The following TMBIM4 variants were observed in gnomAD, a reference collection of about 807,000 sequenced individuals.
The protein encoded by TMBIM4 is transmembrane BAX inhibitor motif containing 4.
In TMBIM4, 28 loss-of-function variants were observed where a neutral mutation model predicts 27.7. The observed-to-expected ratio is 1.01, with a 90% CI of 0.75 to 1.38. TMBIM4 has a LOEUF of 1.38. Ranked by LOEUF, TMBIM4 falls within the 40% of genes most tolerant of loss-of-function variation. TMBIM4 has a pLI of 0.00. For synonymous variants in TMBIM4, 115 were observed against 113.1 expected (o/e 1.02, Z -0.11); for missense variants, 265 against 277.5 (o/e 0.95, Z 0.32).
intron 1 of TMBIM4, among the ~76,000 whole-genome samples, chr12:66,166,484 A>T (rs2136888889): frequency 7.0e-6 from 1 of 142,858 alleles, no homozygotes; most frequent in East Asian, 2.1e-4. Context: ...AAAAAAAAAA[A>T]GAAAAAGAAA....
intron 4 of TMBIM4, 140 bp from the exon 5 acceptor site, chr12:66,146,098 C>A: frequency 1.9e-6 from 1 of 537,238 alleles, no homozygotes; most frequent in Non-Finnish European, 3.3e-6. Context: ...TCTTATCCAT[C>A]CTTGACTACA....
intron 5 of TMBIM4, among the ~76,000 whole-genome samples, chr12:66,140,584 T>C (rs2051652744): frequency 6.6e-6 from 1 of 152,038 alleles, no homozygotes; most frequent in African/African-American, 2.4e-5. Context: ...CAGATAAATG[T>C]TTGAAGAAAT....
chr12:66,141,055 A>G (rs1342336982), intron 5 of TMBIM4, among the ~76,000 whole-genome samples: 1 of 152,162 alleles, frequency 6.6e-6, no homozygotes, highest in Non-Finnish European at 1.5e-5. Context: ...TTTCAAAAAT[A>G]AAGACAAAGG....
At chr12:66,140,546 T>C (rs2051652044) in intron 5 of TMBIM4, among the ~76,000 whole-genome samples, 1 of 151,352 alleles carries the variant, frequency 6.6e-6, no homozygotes, top group Non-Finnish European at 1.5e-5. Flanking sequence ...GTAACTGGAG[T>C]CTCAAGCAAA....
At chr12:66,160,837 G>T (rs997867083) in intron 1 of TMBIM4, among the ~76,000 whole-genome samples, 1 of 147,410 alleles carries the variant, frequency 6.8e-6, no homozygotes, top group African/African-American at 2.5e-5. Context: ...CACACAGGGC[G>T]GCAGCTTGGC....
At position 66,136,178 on chromosome 12, in the gene TMBIM4, C is replaced by T. The variant is rs1398522600; in HGVS notation, c.*1782G>A. The T allele has an allele frequency of 1.3e-5, 2 of 148,938 alleles. No individual in the cohort carries two copies. The highest frequency in any genetic ancestry group is 3.0e-5 in the Non-Finnish European group (2 of 67,348). The allele number at this position is 148,938 out of a possible 1,614,324, so 9.2% of individuals were successfully genotyped here. ...TATCTATCTCATTTAATCCTTATAA[C>T]AGCCCAATAAGCTAGACATCATTAT... On this transcript the variant is annotated 3_prime_UTR_variant, in exon 7 of 7. Coordinates refer to ENST00000358230, the MANE Select transcript of TMBIM4 (RefSeq NM_016056.4).
rs1217998670 is a variant in TMBIM4 at position 66,152,265 on chromosome 12, A to T, written c.312+6T>A. The T allele has an allele frequency of 6.5e-7, 1 of 1,539,462 alleles. No homozygotes were observed. Among genetic ancestry groups the T allele is most frequent in the Non-Finnish European group, 8.9e-7 (1 of 1,126,190 alleles). ...TTAAGGGAATAGAGAAAGTCAGAGT[A>T]CTCACAAATCCAAAAAGTAGGTACA... is the stretch of plus-strand genomic sequence containing the variant. On this transcript the variant is annotated splice_donor_region_variant and intron_variant, in intron 3 of 6. Coordinates refer to ENST00000358230, the MANE Select transcript of TMBIM4 (RefSeq NM_016056.4).
chr12:66,158,002 A>C (rs11176064), intron 1 of TMBIM4, among the ~76,000 whole-genome samples: 188 of 152,114 alleles, frequency 1.2e-3, no homozygotes, highest in African/African-American at 4.4e-3. Context: ...CAAGGTGGGC[A>C]CATCACGAGG....
chr12:66,142,193 T>C (rs1327793785), intron 5 of TMBIM4, among the ~76,000 whole-genome samples: 1 of 152,034 alleles, frequency 6.6e-6, no homozygotes, highest in African/African-American at 2.4e-5. Flanking sequence ...AGTCCTCAGC[T>C]GTCTCTCTGA....
intron 2 of TMBIM4, among the ~76,000 whole-genome samples, chr12:66,153,050 T>G (rs2051874870): frequency 6.6e-6 from 1 of 152,088 alleles, no homozygotes; most frequent in South Asian, 2.1e-4. Context: ...TATAGTCTAA[T>G]AAAGTTTTTA....
chr12:66,169,806 G>C, intron 1 of TMBIM4, 49 bp downstream of exon 1: 1 of 1,403,264 alleles, frequency 7.1e-7, no homozygotes, highest in East Asian at 3.0e-5. Flanking sequence ...TCTAGAGGCC[G>C]AGCAGTGCAG....
intron 1 of TMBIM4, among the ~76,000 whole-genome samples, chr12:66,156,987 G>A (rs1223857418): frequency 1.3e-5 from 2 of 152,090 alleles, no homozygotes; most frequent in Non-Finnish European, 2.9e-5. Context: ...CTGGGACAGT[G>A]TTTCTCAACC....
Position 66,137,910 on chromosome 12 carries a change from TC to T in TMBIM4, c.*49del. The T allele has an allele frequency of 6.6e-7, 1 of 1,520,058 alleles. No individual in the cohort carries two copies. Among genetic ancestry groups the T allele is most frequent in the Non-Finnish European group, 9.1e-7 (1 of 1,101,742 alleles). The allele number at this position is 1,520,058 out of a possible 1,614,324, so 94.2% of individuals were successfully genotyped here. ...GCTTCCAATTACTTTAATCCTTTTT[TC>T]TCATTAAATTTTTTTTGTTGTTCTT... On this transcript the variant is annotated 3_prime_UTR_variant, in exon 7 of 7. Transcript: ENST00000358230.
intron 5 of TMBIM4, among the ~76,000 whole-genome samples, chr12:66,140,522 AG>A (rs1232713922): frequency 6.6e-6 from 1 of 152,210 alleles, no homozygotes; most frequent in African/African-American, 2.4e-5. Flanking sequence ...AACATCTAGA[AG>A]TCTCACACAG....
At chr12:66,169,386 T>A (rs1238335051) in intron 1 of TMBIM4, 4 of 626,324 alleles carry the variant, frequency 6.4e-6, no homozygotes, top group Admixed American at 2.8e-5. Context: ...TCAGGGAGCT[T>A]CCAGCCTAGC....
chr12:66,146,876 TA>T (rs1405239004), intron 4 of TMBIM4, among the ~76,000 whole-genome samples: 3 of 152,158 alleles, frequency 2.0e-5, no homozygotes, highest in Non-Finnish European at 4.4e-5. Context: ...GTCAGTAATT[TA>T]AGTATACGAT....
chr12:66,166,533 T>C (rs1204091341), intron 1 of TMBIM4, among the ~76,000 whole-genome samples: 1 of 145,322 alleles, frequency 6.9e-6, no homozygotes, highest in Non-Finnish European at 1.5e-5. Flanking sequence ...CAAATAAGTA[T>C]ATGAAAAGAT....
At chr12:66,161,110 C>G (rs528024999) in intron 1 of TMBIM4, 1 of 152,428 alleles carries the variant, frequency 6.6e-6, no homozygotes, top group African/African-American at 2.4e-5. Flanking sequence ...CCTCACTTGC[C>G]CGACGGGCCT....
At chr12:66,147,791 AT>A (rs1307606051) in intron 4 of TMBIM4, 116 bp downstream of exon 4, 15 of 729,968 alleles carry the variant, frequency 2.1e-5, no homozygotes, top group Non-Finnish European at 3.1e-5. Context: ...CCTATGCTAT[AT>A]TTCTGAAATA....
Sources: gnomAD v4.1 joint callset for allele counts (sites outside exome capture counted in the v4.1 genomes callset) on GRCh38, gnomAD v4.1.1 for gene constraint, MANE v1.5 for transcripts, NCBI Gene and HGNC (gene_info 2026-07-23, HGNC 2026-07-21) for gene names.